The following ZNF552 variants were observed in gnomAD, a reference collection of about 807,000 sequenced individuals.
ZNF552 encodes the protein zinc finger protein 552.
A neutral mutation model predicts 7.2 loss-of-function variants in ZNF552; 2 were observed. That is an observed-to-expected ratio of 0.28 (90% confidence interval 0.11 to 0.88). The LOEUF is 0.88. Among genes scored for constraint, ZNF552 ranks in the 40% least tolerant of loss-of-function variants. ZNF552 has a pLI of 0.60. For missense variants in ZNF552, 421 were observed against 493.4 expected (o/e 0.85, Z 1.39); for synonymous variants, 173 against 176.5 (o/e 0.98, Z 0.16).
At chr19:57,811,240 G>A (rs913014992) in intron 2 of ZNF552, among the ~76,000 whole-genome samples, 5 of 151,784 alleles carry the variant, frequency 3.3e-5, no homozygotes, top group African/African-American at 4.8e-5. Context: ...TGGCACAATC[G>A]CGGCTCACTG....
At chr19:57,810,996 G>A (rs1199653649) in intron 2 of ZNF552, among the ~76,000 whole-genome samples, 1 of 152,102 alleles carries the variant, frequency 6.6e-6, no homozygotes, top group Non-Finnish European at 1.5e-5. Flanking sequence ...AGAGACATTT[G>A]TTCACATGTT....
In ZNF552 at chr19:57,807,327, G is replaced by C. The variant is rs551609149; in HGVS notation, c.*713C>G. The stretch of plus-strand genomic sequence containing the variant: ...CAATCCCAACACTTTGAGAGGCCAA[G>C]GCGGGCAGATCACGAGGTCAGGAGA... On this transcript the variant is annotated 3_prime_UTR_variant, in exon 3 of 3. Coordinates refer to ENST00000391701, the MANE Select transcript of ZNF552 (RefSeq NM_024762.3). 6.6e-6 allele frequency: 1 copy of C among 152,348 alleles called. No individual in the cohort carries two copies. Among genetic ancestry groups the C allele is most frequent in the Middle Eastern group, 3.4e-3 (1 of 294 alleles). The allele number at this position is 152,348 out of a possible 1,614,324, so 9.4% of individuals were successfully genotyped here.
chr19:57,813,534 G>A, intron 1 of ZNF552, 114 bp from the exon 2 acceptor site: 2 of 1,398,972 alleles, frequency 1.4e-6, no homozygotes, highest in East Asian at 2.3e-5. Flanking sequence ...CTCAAACATA[G>A]GAGAAACTAG....
At chr19:57,814,445 G>C (rs1383405158) in intron 1 of ZNF552, 1 of 1,426,534 alleles carries the variant, frequency 7.0e-7, no homozygotes, top group Non-Finnish European at 9.5e-7. Flanking sequence ...CGCCTCACAG[G>C]TTGTTCCCTA....
chr19:57,808,697 G>A lies in ZNF552; in HGVS notation c.567C>T (p.Ala189=), dbSNP rs771285241. Residue 189 remains alanine, a synonymous_variant, in exon 3 of 3, where the codon GCC becomes GCT. Coordinates refer to ENST00000391701, the MANE Select transcript of ZNF552 (RefSeq NM_024762.3). The part of the protein sequence containing the change: ...LLRSGLLQQE[A]THTGKSNSKT... ...TGCTGTTTGACTTCCCAGTGTGAGT[G>A]GCCTCTTGCTGGAGTAATCCTGACC... is the stretch of plus-strand genomic sequence containing the variant. 2 of 1,614,042 alleles carry A rather than the reference G, an allele frequency of 1.2e-6. No individual in the cohort carries two copies. The highest frequency in any genetic ancestry group is 4.5e-5 in the East Asian group (2 of 44,892).
In ZNF552 at chr19:57,808,451, C is replaced by G; in HGVS notation, c.813G>C (p.Gly271=). ...TACTGTTAAATAATTTCCCACATATCCCACACGTATAAGGTTTTTCTCTAG... is the reference window on the plus strand; with the variant it reads ...TACTGTTAAATAATTTCCCACATATGCCACACGTATAAGGTTTTTCTCTAG... The part of the protein sequence containing the change: ...VHTREKPYTC[G]ICGKLFNSKS... The change falls in exon 3 of 3, where the codon GGG becomes GGC. Residue 271 remains glycine, a synonymous_variant. Coordinates refer to ENST00000391701, the MANE Select transcript of ZNF552 (RefSeq NM_024762.3). 1 of 1,613,770 alleles carries G rather than the reference C, an allele frequency of 6.2e-7. No individual in the cohort carries two copies. Among genetic ancestry groups the G allele is most frequent in the Non-Finnish European group, 8.5e-7 (1 of 1,179,834 alleles).
Position 57,808,326 on chromosome 19 carries a change from G to A in ZNF552, c.938C>T (p.Ala313Val), listed in dbSNP as rs572316729. The change falls in exon 3 of 3, where the codon GCA becomes GTA. Residue 313 changes from alanine to valine, a missense_variant. Ala to Val is a moderately conservative substitution (Grantham distance 64, BLOSUM62 0). Around this residue, in one of 2 missense-constraint regions of ZNF552, gnomAD observed 299 missense variants for 293.7 expected, o/e 1.02. Transcript: ENST00000391701. ...TTCTCCAGTGTGAACTCTCTGGTGT[G>A]CAATGAGGTGGTACTTGTGCCTAAA... Reference protein sequence around the residue: ...KFFRHKYHLIAHQRVHTGERP... With the variant: ...KFFRHKYHLIVHQRVHTGERP... The A allele has an allele frequency of 1.1e-5, 18 of 1,613,874 alleles. No individual in the cohort carries two copies. In the African/African-American group the frequency reaches 2.0e-4, roughly 18 times the overall value.
In ZNF552 at chr19:57,808,563, A is replaced by G; in HGVS notation, c.701T>C (p.Leu234Pro). The G allele has an allele frequency of 6.2e-7, 1 of 1,614,160 alleles. No homozygotes were observed. The highest frequency in any genetic ancestry group is 8.5e-7 in the Non-Finnish European group (1 of 1,180,038). The change falls in exon 3 of 3, where the codon CTC becomes CCC. Residue 234 changes from leucine to proline, a missense_variant. Around this residue, in one of 2 missense-constraint regions of ZNF552, gnomAD observed 299 missense variants for 293.7 expected, o/e 1.02. Transcript: ENST00000391701. ...CCACACAGAAGGTTCTTCTGTAGGG[A>G]GCAGTCTCTCGTGCTGACTGAGTAT... Reference protein sequence around the residue: ...KDILSQHERLLPTEEPSVWCE... With the variant: ...KDILSQHERLPPTEEPSVWCE...
rs771493465 is a variant in ZNF552, at chr19:57,808,245, C to A, written c.1019G>T (p.Arg340Leu). 4 of 1,614,050 alleles carry A rather than the reference C, an allele frequency of 2.5e-6. No individual in the cohort carries two copies. The highest frequency in any genetic ancestry group is 2.2e-5 in the South Asian group (2 of 91,082). Residue 340 changes from arginine (R) to leucine (L), a missense_variant, in exon 3 of 3, where the codon CGT becomes CTT. Physicochemically the swap from Arg to Leu is moderately radical, Grantham distance 102. Transcript: ENST00000391701. ...GKSFTHSSTF[R>L]VHKRVHTGQK... is the part of the protein sequence containing the mutation. The stretch of plus-strand genomic sequence containing the variant: ...ACCAGTGTGAACTCTCTTATGAACA[C>A]GGAATGTAGAGCTGTGGGTAAATGA...
At position 57,811,742 on chromosome 19, in the gene ZNF552, T is replaced by C. The variant is rs1177256477; in HGVS notation, c.160+1552A>G. Among the ~76,000 whole-genome samples, 6 of 96,714 alleles carry C rather than the reference T, an allele frequency of 6.2e-5. No individual in the cohort carries two copies. In the East Asian group the frequency reaches 2.0e-3, roughly 32 times the overall value. 63.4% of individuals were successfully genotyped at this position (96,714 alleles called of 152,430 possible). A position where few individuals can be genotyped will look rare whatever the true frequency, so the allele number is the denominator to read the frequency against. ...AAAAAAAAAAAAAAAAAAAAAACAA[T>C]GGAGAAGGCCAGGTGCAGTGGATCA... On this transcript the variant is annotated intron_variant, in intron 2 of 2. Transcript: ENST00000391701.
chr19:57,808,865 G>A lies in ZNF552; in HGVS notation c.399C>T (p.Asn133=). ...TGTGCTCATTCTGGTGCTGATGAAA[G>A]TTTCCACTGTCATACAATTTATTCC... is the stretch of plus-strand genomic sequence containing the variant. ...AWGNKLYDSG[N]FHQHQNEHIG... The change falls in exon 3 of 3, where the codon AAC becomes AAT. Residue 133 remains asparagine, a synonymous_variant. Transcript: ENST00000391701. 6.8e-6 allele frequency: 11 copies of A among 1,613,708 alleles called. No homozygotes were observed. Among genetic ancestry groups the A allele is most frequent in the Non-Finnish European group, 9.3e-6 (11 of 1,179,954 alleles).
Position 57,808,119 on chromosome 19 carries a change from C to G in ZNF552, c.1145G>C (p.Cys382Ser), listed in dbSNP as rs1356390221. The G allele has an allele frequency of 1.9e-6, 3 of 1,613,956 alleles. No individual in the cohort carries two copies. The Admixed American group carries it at 5.0e-5, about 27-fold the overall frequency. Residue 382 changes from cysteine to serine, a missense_variant, in exon 3 of 3, where the codon TGC (cysteine) becomes TCC (serine). This residue lies in a region of ZNF552 where 299 missense variants were observed against 293.7 expected (regional missense o/e 1.02). Transcript: ENST00000391701. ...RVHTGEKPYG[C>S]SECEKKFRQI... The stretch of plus-strand genomic sequence containing the variant: ...CCTAAATTTTTTTTCACATTCACTG[C>G]ACCCGTAAGGCTTTTCTCCAGTGTG...
rs1987895631 is a variant in ZNF552 at position 57,813,429 on chromosome 19, ATG to A, written c.34-11_34-10del. ...TCAAAAGTCACTGTGCCCTGTTATG[ATG>A]TTGACAGATGAAACCACAAACCACC... On this transcript the variant is annotated splice_polypyrimidine_tract_variant and intron_variant, in intron 1 of 2. Transcript: ENST00000391701. 6.2e-7 allele frequency: 1 copy of A among 1,611,422 alleles called. No homozygotes were observed. Among genetic ancestry groups the A allele is most frequent in the Non-Finnish European group, 8.5e-7 (1 of 1,177,916 alleles).
chr19:57,814,483 C>T (rs1279722560), intron 1 of ZNF552: 2 of 1,533,326 alleles, frequency 1.3e-6, no homozygotes, highest in Non-Finnish European at 1.7e-6. Context: ...CAGGTTCCAT[C>T]CTCCCGGATC....
In ZNF552 at chr19:57,813,288, A is replaced by G; in HGVS notation, c.160+6T>C. The G allele has an allele frequency of 6.2e-7, 1 of 1,614,056 alleles. No individual in the cohort carries two copies. The highest frequency in any genetic ancestry group is 1.1e-5 in the South Asian group (1 of 91,080). ...CAGGTCACAGGGGTGAGTGTGGGCA[A>G]CTTACCCAGGGAGGACATAAGTGCC... On this transcript the variant is annotated splice_donor_region_variant and intron_variant, in intron 2 of 2. Coordinates refer to ENST00000391701, the MANE Select transcript of ZNF552 (RefSeq NM_024762.3).
chr19:57,813,165 TC>T, intron 2 of ZNF552, 128 bp downstream of exon 2: 1 of 1,486,954 alleles, frequency 6.7e-7, no homozygotes, highest in East Asian at 2.4e-5. Context: ...CATACCTCAG[TC>T]CTACCAACCA....
At chr19:57,813,646 G>A (rs1327608277) in intron 1 of ZNF552, among the ~76,000 whole-genome samples, 7 of 151,592 alleles carry the variant, frequency 4.6e-5, no homozygotes, top group Admixed American at 4.6e-4. Context: ...CTCCTGACAG[G>A]CACTTCCCCT....
At chr19:57,812,498 G>GAACAAGGA (rs1360171908) in intron 2 of ZNF552, among the ~76,000 whole-genome samples, 7 of 152,040 alleles carry the variant, frequency 4.6e-5, no homozygotes, top group Admixed American at 3.3e-4. Context: ...GGGAAAGACA[G>GAACAAGGA]AACAAGGAAA....
At chr19:57,809,167 C>A in intron 2 of ZNF552, 64 bp from the exon 3 acceptor site, 1 of 1,598,884 alleles carries the variant, frequency 6.3e-7, no homozygotes, top group South Asian at 1.1e-5. Flanking sequence ...AGACCACCCA[C>A]AAGTGTATCT....
Sources: gnomAD v4.1 joint callset for allele counts (sites outside exome capture counted in the v4.1 genomes callset) on GRCh38, gnomAD v4.1.1 for gene constraint, gnomAD v4.1.1 regional missense constraint, MANE v1.5 for transcripts, NCBI Gene and HGNC (gene_info 2026-07-23, HGNC 2026-07-21) for gene names.